Variants in PRKCE observed in about 807,000 individuals in gnomAD.
PRKCE encodes protein kinase C epsilon, also known as protein kinase C epsilon type.
In PRKCE, 16 loss-of-function variants were observed where a neutral mutation model predicts 85.4. The ratio of observed to expected loss-of-function variants is 0.19; its 90% CI spans 0.13 to 0.28. The LOEUF (loss-of-function observed/expected upper bound fraction) is 0.28, where lower values mean the gene tolerates loss of function less well. Among genes scored for constraint, PRKCE ranks in the 10% least tolerant of loss-of-function variants. PRKCE has a pLI of 1.00. For missense variants in PRKCE, 573 were observed against 975.2 expected (o/e 0.59, Z 5.49); for synonymous variants, 388 against 371.5 (o/e 1.04, Z -0.51).
chr2:45,800,293 A>G (rs1687756777), intron 1 of PRKCE, among the ~76,000 whole-genome samples: 1 of 152,258 alleles, frequency 6.6e-6, no homozygotes, highest in South Asian at 2.1e-4. Flanking sequence ...AAGGCTGTTC[A>G]GTATAAGTCA....
intron 2 of PRKCE, among the ~76,000 whole-genome samples, chr2:45,972,544 A>G (rs567812503): frequency 2.0e-5 from 3 of 152,314 alleles, no homozygotes; most frequent in South Asian, 4.1e-4. Context: ...GCCAAGACCA[A>G]TGTCAAGAAA....
intron 10 of PRKCE, among the ~76,000 whole-genome samples, chr2:46,032,312 G>T (rs1440336860): frequency 2.6e-5 from 4 of 152,062 alleles, no homozygotes; most frequent in Non-Finnish European, 4.4e-5. Context: ...AACCACGCCT[G>T]TGCCCTTCCT....
At chr2:45,681,951 G>A (rs779564571) in intron 1 of PRKCE, among the ~76,000 whole-genome samples, 1 of 152,088 alleles carries the variant, frequency 6.6e-6, no homozygotes, top group Non-Finnish European at 1.5e-5. Flanking sequence ...CAGCCACACC[G>A]CCCCAGTGGT....
chr2:45,798,967 A>G (rs1326430559), intron 1 of PRKCE, among the ~76,000 whole-genome samples: 1 of 152,068 alleles, frequency 6.6e-6, no homozygotes, highest in African/African-American at 2.4e-5. Flanking sequence ...GGAGATCAAG[A>G]CCATCCTGGC....
intron 1 of PRKCE, among the ~76,000 whole-genome samples, chr2:45,763,908 C>T (rs958557137): frequency 1.3e-5 from 2 of 152,148 alleles, no homozygotes; most frequent in African/African-American, 2.4e-5. Flanking sequence ...TTCTTGTATG[C>T]CTGCAGTTTC....
At chr2:45,950,177 A>T (rs2104323936) in intron 2 of PRKCE, among the ~76,000 whole-genome samples, 1 of 152,366 alleles carries the variant, frequency 6.6e-6, no homozygotes, top group East Asian at 1.9e-4. Flanking sequence ...ACATAACAAA[A>T]TAGTTTTCTG....
intron 1 of PRKCE, among the ~76,000 whole-genome samples, chr2:45,672,368 A>C (rs1055148193): frequency 3.9e-5 from 6 of 151,954 alleles, no homozygotes; most frequent in African/African-American, 1.5e-4. Context: ...CCATTCATTC[A>C]TCCATCTCTA....
chr2:45,705,372 G>T (rs1480851832), intron 1 of PRKCE, among the ~76,000 whole-genome samples: 3 of 152,216 alleles, frequency 2.0e-5, no homozygotes, highest in Non-Finnish European at 2.9e-5. Context: ...CTGAATCCAG[G>T]AGTGGAAAAT....
At chr2:45,906,578 G>T (rs769221518) in intron 2 of PRKCE, among the ~76,000 whole-genome samples, 2 of 152,134 alleles carry the variant, frequency 1.3e-5, no homozygotes, top group Non-Finnish European at 2.9e-5. Flanking sequence ...TTTTGAGCAT[G>T]GGCCTGTCTG....
intron 1 of PRKCE, among the ~76,000 whole-genome samples, chr2:45,748,235 C>A (rs919056846): frequency 6.6e-6 from 1 of 152,174 alleles, no homozygotes; most frequent in South Asian, 2.1e-4. Context: ...GCACAACTAC[C>A]CTGTAAGATA....
At chr2:45,890,063 C>T (rs972807467) in intron 2 of PRKCE, among the ~76,000 whole-genome samples, 8 of 152,196 alleles carry the variant, frequency 5.3e-5, no homozygotes, top group African/African-American at 1.9e-4. Flanking sequence ...CTGTCTGTTC[C>T]AGAGCAATTA....
chr2:45,911,178 T>C (rs1228369431), intron 2 of PRKCE, among the ~76,000 whole-genome samples: 1 of 152,244 alleles, frequency 6.6e-6, no homozygotes, highest in Non-Finnish European at 1.5e-5. Flanking sequence ...GGTTTTTCTT[T>C]ACAAATTTCC....
chr2:45,871,852 G>T (rs1694113886), intron 2 of PRKCE, among the ~76,000 whole-genome samples: 1 of 152,156 alleles, frequency 6.6e-6, no homozygotes, highest in Admixed American at 6.5e-5. Flanking sequence ...ACACACTGCG[G>T]AGTTTGATGT....
intron 2 of PRKCE, among the ~76,000 whole-genome samples, chr2:45,952,942 T>G (rs13410416): frequency 0.014 from 2,114 of 152,332 alleles, 31 homozygotes; most frequent in Middle Eastern, 0.044. Context: ...AGGATTTGTC[T>G]TAAGCGGTAG....
intron 11 of PRKCE, among the ~76,000 whole-genome samples, chr2:46,086,641 G>A (rs530424183): frequency 5.3e-5 from 8 of 152,312 alleles, no homozygotes; most frequent in African/African-American, 1.9e-4. Context: ...TGACCTTGGT[G>A]TGACCTTCGT....
chr2:45,727,167 A>AAT (rs1431622734), intron 1 of PRKCE, among the ~76,000 whole-genome samples: 1 of 152,178 alleles, frequency 6.6e-6, no homozygotes, highest in Non-Finnish European at 1.5e-5. Flanking sequence ...TTGTTAGGCA[A>AAT]ATGATGCAGT....
At chr2:45,874,904 G>T (rs1013725447) in intron 2 of PRKCE, among the ~76,000 whole-genome samples, 1 of 152,060 alleles carries the variant, frequency 6.6e-6, no homozygotes, top group Non-Finnish European at 1.5e-5. Context: ...TTATTTGGGG[G>T]TATAGCTTAC....
chr2:45,719,267 T>C (rs1178730291), intron 1 of PRKCE, among the ~76,000 whole-genome samples: 1 of 152,246 alleles, frequency 6.6e-6, no homozygotes, highest in Non-Finnish European at 1.5e-5. Flanking sequence ...GTTAATGTGT[T>C]TCATCAGATT....
chr2:46,105,106 T>C (rs1343325618), intron 11 of PRKCE, among the ~76,000 whole-genome samples: 1 of 152,280 alleles, frequency 6.6e-6, no homozygotes, highest in South Asian at 2.1e-4. Context: ...ATTTTCTTAA[T>C]GGTGTCTGAG....
Sources: gnomAD v4.1 joint callset for allele counts (sites outside exome capture counted in the v4.1 genomes callset) on GRCh38, gnomAD v4.1.1 for gene constraint, MANE v1.5 for transcripts, NCBI Gene and HGNC (gene_info 2026-07-23, HGNC 2026-07-21) for gene names.